Variants in HDHD5 observed in about 807,000 individuals in gnomAD.
The protein encoded by HDHD5 is haloacid dehalogenase like hydrolase domain containing 5, also known as haloacid dehalogenase-like hydrolase domain-containing 5.
HDHD5 carries 34 observed loss-of-function variants against 35.5 expected under a neutral mutation model. That is an observed-to-expected ratio of 0.96 (90% CI 0.73 to 1.28). The LOEUF (loss-of-function observed/expected upper bound fraction) is 1.28. Among genes scored for constraint, HDHD5 ranks in the 50% most tolerant of loss-of-function variants. HDHD5 has a pLI of 0.00. For synonymous variants in HDHD5, 248 were observed against 240.6 expected (o/e 1.03, Z -0.29); for missense variants, 589 against 560.2 (o/e 1.05, Z -0.52).
rs561037456 is a variant in HDHD5 at position 17,137,632 on chromosome 22, C to T, written c.*389G>A. ...AGCATCTGGTGTTAAGACACTCTGC[C>T]GACAGGCTGCATGCCTTCAGTGCCG... On this transcript the variant is annotated 3_prime_UTR_variant, in exon 8 of 8. Transcript: ENST00000336737. The T allele has an allele frequency of 1.1e-5, 2 of 189,386 alleles. No homozygotes were observed. The highest frequency in any genetic ancestry group is 1.1e-4 in the Admixed American group (2 of 18,076). 11.7% of individuals were successfully genotyped at this position (189,386 alleles called of 1,614,324 possible).
In HDHD5 at chr22:17,138,130, T is replaced by C. The variant is rs528642938; in HGVS notation, c.1163A>G (p.His388Arg). The C allele has an allele frequency of 6.2e-7, 1 of 1,614,138 alleles. No individual in the cohort carries two copies. Among genetic ancestry groups the C allele is most frequent in the South Asian group, 1.1e-5 (1 of 91,080 alleles). Residue 388 changes from histidine to arginine, a missense_variant, in exon 8 of 8, where the codon CAC becomes CGC. Coordinates refer to ENST00000336737, the MANE Select transcript of HDHD5 (RefSeq NM_033070.3). Reference protein sequence around the residue: ...LGGGEPPFHGHRDLCFSPGLM... With the variant: ...LGGGEPPFHGRRDLCFSPGLM... ...CCCTGGACTGAAGCATAAGTCTCGG[T>C]GCCCGTGGAATGGAGGCTCCCCTCC...
Position 17,151,328 on chromosome 22 carries a change from C to G in HDHD5, c.127-1583G>C, listed in dbSNP as rs555209476. Reference sequence around the variant, plus strand: ...TCTTCAATCATCAAAAAAACCTAACCTAACTTGTTTGCTATTTTTCTTTGT... The same window carrying G: ...TCTTCAATCATCAAAAAAACCTAACGTAACTTGTTTGCTATTTTTCTTTGT... On this transcript the variant is annotated intron_variant, in intron 1 of 7. Transcript: ENST00000336737. Among the ~76,000 whole-genome samples the G allele has an allele frequency of 3.4e-5, 4 of 118,184 alleles. No homozygotes were observed. The South Asian group carries it at 1.3e-3, about 37-fold the overall frequency. 77.5% of individuals were successfully genotyped at this position (118,184 alleles called of 152,430 possible).
intron 5 of HDHD5, 73 bp from the exon 6 acceptor site, chr22:17,141,306 G>A: frequency 2.0e-6 from 3 of 1,510,820 alleles, no homozygotes; most frequent in Admixed American, 2.7e-5. Context: ...ATGCCAGCTA[G>A]GGCTACCCAT....
chr22:17,138,925 A>G (rs2061567710), intron 6 of HDHD5, among the ~76,000 whole-genome samples, 187 bp from the exon 7 acceptor site: 1 of 152,200 alleles, frequency 6.6e-6, no homozygotes, highest in African/African-American at 2.4e-5. Flanking sequence ...GAAAAACTCT[A>G]TGAGATGACG....
chr22:17,144,677 G>T (rs1021286586), intron 4 of HDHD5, among the ~76,000 whole-genome samples: 3 of 152,026 alleles, frequency 2.0e-5, no homozygotes, highest in African/African-American at 7.2e-5. Flanking sequence ...GCCTCCCAAA[G>T]TGCTGGAATT....
At position 17,159,176 on chromosome 22, in the gene HDHD5, C is replaced by A. The variant is rs1305419714; in HGVS notation, c.76G>T (p.Gly26Trp). The change falls in exon 1 of 8, where the codon GGG becomes TGG. Residue 26 changes from glycine to tryptophan, a missense_variant. Gly to Trp is a radical substitution (Grantham distance 184, BLOSUM62 -2). Transcript: ENST00000336737. ...LCWRAARAAA[G>W]LQGRPARRCY... The stretch of plus-strand genomic sequence containing the variant: ...CTGCGGGCGGGGCGGCCCTGGAGCC[C>A]CGCAGCCGCGCGCGCCGCCCGCCAG... 3.3e-6 allele frequency: 4 copies of A among 1,219,402 alleles called. No homozygotes were observed. Among genetic ancestry groups the A allele is most frequent in the Admixed American group, 4.3e-5 (1 of 23,054 alleles). The allele number at this position is 1,219,402 out of a possible 1,614,324, so 75.5% of individuals were successfully genotyped here.
Position 17,141,053 on chromosome 22 carries a change from C to T in HDHD5, c.746+6G>A, listed in dbSNP as rs765345633. ...CAGGCCAAGGCTGGGAGCTTTGTGTCCTCACCTGGGCATCTTGGCTTCAGC... is the reference window on the plus strand; with the variant it reads ...CAGGCCAAGGCTGGGAGCTTTGTGTTCTCACCTGGGCATCTTGGCTTCAGC... On this transcript the variant is annotated splice_donor_region_variant and intron_variant, in intron 6 of 7. Transcript: ENST00000336737. 1 of 1,575,332 alleles carries T rather than the reference C, an allele frequency of 6.3e-7. No individual in the cohort carries two copies. The highest frequency in any genetic ancestry group is 1.9e-5 in the Admixed American group (1 of 53,236).
At position 17,138,175 on chromosome 22, in the gene HDHD5, G is replaced by C; in HGVS notation, c.1118C>G (p.Ser373Cys). The C allele has an allele frequency of 6.2e-7, 1 of 1,614,190 alleles. No homozygotes were observed. Residue 373 changes from serine (S) to cysteine (C), a missense_variant, in exon 8 of 8, where the codon TCC becomes TGC. Ser to Cys is a moderately radical substitution (Grantham distance 112). Coordinates refer to ENST00000336737, the MANE Select transcript of HDHD5 (RefSeq NM_033070.3). The part of the protein sequence containing the change: ...TGVYNPRNPQ[S>C]TEPVLGGGEP... ...CCCTCCTCCAAGGACAGGCTCCGTGGACTGTGGGTTCCTGGGATTGTAGAC... is the reference window on the plus strand; with the variant it reads ...CCCTCCTCCAAGGACAGGCTCCGTGCACTGTGGGTTCCTGGGATTGTAGAC...
chr22:17,154,328 C>T (rs2061760749), intron 1 of HDHD5, among the ~76,000 whole-genome samples: 1 of 151,130 alleles, frequency 6.6e-6, no homozygotes, highest in African/African-American at 2.4e-5. Context: ...ATTAAAAATA[C>T]AAAATTAGCT....
At chr22:17,144,724 A>T (rs1456288220) in intron 4 of HDHD5, among the ~76,000 whole-genome samples, 4 of 149,206 alleles carry the variant, frequency 2.7e-5, no homozygotes, top group Admixed American at 2.7e-4. Flanking sequence ...AATTTTTTAA[A>T]TTTTTTTGTA....
upstream of HDHD5, chr22:17,159,523 G>A (rs528504926): frequency 1.1e-5 from 5 of 457,464 alleles, no homozygotes; most frequent in South Asian, 3.2e-5. Flanking sequence ...GGCGGCGTCC[G>A]TACTATCGCC....
chr22:17,140,885 G>T (rs1251049766), intron 6 of HDHD5, among the ~76,000 whole-genome samples, 174 bp downstream of exon 6: 1 of 152,168 alleles, frequency 6.6e-6, no homozygotes, highest in East Asian at 1.9e-4. Flanking sequence ...CTAATATGTG[G>T]AGTGGTCCTT....
chr22:17,163,518 T>C (rs1350685186), upstream of HDHD5, among the ~76,000 whole-genome samples: 1 of 152,142 alleles, frequency 6.6e-6, no homozygotes, highest in African/African-American at 2.4e-5. Flanking sequence ...GACCATACAC[T>C]TCCCATCCCA....
chr22:17,141,057 A>C lies in HDHD5; in HGVS notation c.746+2T>G. 1.3e-6 allele frequency: 2 copies of C among 1,581,420 alleles called. No individual in the cohort carries two copies. The highest frequency in any genetic ancestry group is 1.7e-6 in the Non-Finnish European group (2 of 1,166,058). On this transcript the variant is annotated splice_donor_variant, in intron 6 of 7. Transcript: ENST00000336737. LOFTEE classifies it high-confidence loss of function. ...CCAAGGCTGGGAGCTTTGTGTCCTC[A>C]CCTGGGCATCTTGGCTTCAGCCATC...
chr22:17,153,048 C>A (rs2061747007), intron 1 of HDHD5, among the ~76,000 whole-genome samples: 2 of 152,182 alleles, frequency 1.3e-5, no homozygotes, highest in South Asian at 4.1e-4. Flanking sequence ...AAGCCCCACA[C>A]GCCACACAGG....
At chr22:17,150,605 G>T (rs2061715676) in intron 1 of HDHD5, among the ~76,000 whole-genome samples, 1 of 150,068 alleles carries the variant, frequency 6.7e-6, no homozygotes, top group Non-Finnish European at 1.5e-5. Flanking sequence ...CGCAACCTCT[G>T]CCTCCCACGT....
chr22:17,164,981 CT>C (rs1378811361), intron 1 of HDHD5, among the ~76,000 whole-genome samples: 1 of 152,136 alleles, frequency 6.6e-6, no homozygotes, highest in African/African-American at 2.4e-5. Flanking sequence ...TCAGGAAGGG[CT>C]TGCAGGAGGG....
chr22:17,163,706 C>T (rs755456812), upstream of HDHD5, among the ~76,000 whole-genome samples: 1 of 152,324 alleles, frequency 6.6e-6, no homozygotes, highest in East Asian at 1.9e-4. Context: ...GCCCAAACCC[C>T]ATAAAACAGC....
chr22:17,162,635 G>T (rs546569126), upstream of HDHD5, among the ~76,000 whole-genome samples: 5 of 152,286 alleles, frequency 3.3e-5, 1 homozygote, highest in East Asian at 9.6e-4. Context: ...CATGATTATT[G>T]AATCAAAGAC....
Sources: gnomAD v4.1 joint callset for allele counts (sites outside exome capture counted in the v4.1 genomes callset) on GRCh38, gnomAD v4.1.1 for gene constraint, MANE v1.5 for transcripts, NCBI Gene and HGNC (gene_info 2026-07-23, HGNC 2026-07-21) for gene names.